The following CPVL variants were observed in gnomAD, a reference collection of about 807,000 sequenced individuals.
CPVL encodes carboxypeptidase vitellogenic like, also known as probable serine carboxypeptidase CPVL.
In CPVL, 51 loss-of-function variants were observed where a neutral mutation model predicts 63.7. That is an observed-to-expected ratio of 0.80 (90% CI 0.64 to 1.01). The LOEUF is 1.01. Ranked by LOEUF, CPVL falls within the 50% of genes least tolerant of loss-of-function variation. The pLI is 0.00. For synonymous variants in CPVL, 195 were observed against 206.0 expected (o/e 0.95, Z 0.46); for missense variants, 530 against 573.1 (o/e 0.92, Z 0.77).
At chr7:29,016,981 A>G (rs1384795984) in intron 12 of CPVL, among the ~76,000 whole-genome samples, 1 of 152,176 alleles carries the variant, frequency 6.6e-6, no homozygotes, top group Non-Finnish European at 1.5e-5. Context: ...TCCTAAAGTT[A>G]CCATTATAAA....
At chr7:29,002,134 G>A (rs1784703640) in intron 12 of CPVL, among the ~76,000 whole-genome samples, 1 of 152,126 alleles carries the variant, frequency 6.6e-6, no homozygotes, top group African/African-American at 2.4e-5. Context: ...GCAGATAAGA[G>A]AATGAAAAGC....
chr7:29,072,035 A>G, intron 8 of CPVL, 131 bp from the exon 9 acceptor site: 1 of 1,076,040 alleles, frequency 9.3e-7, no homozygotes. Flanking sequence ...GGATAATTAC[A>G]TGCACACACA....
chr7:29,066,975 G>GT (rs1275370223), intron 9 of CPVL, among the ~76,000 whole-genome samples: 1 of 152,222 alleles, frequency 6.6e-6, no homozygotes, highest in Non-Finnish European at 1.5e-5. Context: ...TTGAAGACAG[G>GT]TAATTAGAGA....
chr7:29,186,039 A>C lies in CPVL; in HGVS notation c.-347+408T>G, dbSNP rs184178884. Among the ~76,000 whole-genome samples, 6 of 152,318 alleles carry C rather than the reference A, an allele frequency of 3.9e-5. No individual in the cohort carries two copies. In the East Asian group the frequency reaches 1.2e-3, roughly 29 times the overall value. ...TTGTTTGAGTAAGTTTAAGAAGTAAAAGTTCTAACTATGGAACTCTGAGCA... is the reference window on the plus strand; with the variant it reads ...TTGTTTGAGTAAGTTTAAGAAGTAACAGTTCTAACTATGGAACTCTGAGCA... On this transcript the variant is annotated intron_variant, in intron 2 of 16. Transcript: ENST00000409850.
intron 4 of CPVL, among the ~76,000 whole-genome samples, chr7:29,182,846 A>G (rs563244585): frequency 6.6e-6 from 1 of 152,268 alleles, no homozygotes; most frequent in Admixed American, 6.5e-5. Context: ...TATTGTGTTA[A>G]TCCCGTTTTT....
In CPVL at chr7:29,133,070, T is replaced by C. The variant is rs771939078; in HGVS notation, c.-10-11999A>G. Among the ~76,000 whole-genome samples the C allele has an allele frequency of 6.7e-4, 102 of 152,152 alleles. 1 individual carries two copies. Among genetic ancestry groups the C allele is most frequent in the South Asian group, 2.1e-4 (1 of 4,824 alleles). ...CTGCATGCATTCCCTCATTAGGTATTTGAAAATCCACTACGTATAGTATCC... is the reference window on the plus strand; with the variant it reads ...CTGCATGCATTCCCTCATTAGGTATCTGAAAATCCACTACGTATAGTATCC... On this transcript the variant is annotated intron_variant, in intron 1 of 12. Coordinates refer to ENST00000265394, the MANE Select transcript of CPVL (RefSeq NM_031311.5).
intron 11 of CPVL, among the ~76,000 whole-genome samples, chr7:29,039,298 G>A (rs1788840823): frequency 2.6e-5 from 4 of 152,200 alleles, no homozygotes; most frequent in African/African-American, 7.2e-5. Context: ...AGAATCAGAT[G>A]AGAATTAACC....
At chr7:29,047,302 C>T (rs1028433261) in intron 11 of CPVL, among the ~76,000 whole-genome samples, 2 of 151,884 alleles carry the variant, frequency 1.3e-5, no homozygotes, top group Non-Finnish European at 2.9e-5. Context: ...GTATTAAGCA[C>T]GATACAAGAA....
At chr7:29,065,056 T>TA (rs5883185) in intron 10 of CPVL, among the ~76,000 whole-genome samples, 3 of 150,992 alleles carry the variant, frequency 2.0e-5, no homozygotes, top group South Asian at 2.1e-4. Flanking sequence ...TGAAGCTTAT[T>TA]AAAAAAAAAA....
At chr7:29,192,232 T>A (rs1245797131) in intron 1 of CPVL, 2 of 152,308 alleles carry the variant, frequency 1.3e-5, no homozygotes, top group Non-Finnish European at 2.9e-5. Context: ...GAGTCTCAGC[T>A]TTTTTCTACT....
chr7:29,025,901 T>C (rs1787444524), intron 12 of CPVL, among the ~76,000 whole-genome samples: 1 of 152,118 alleles, frequency 6.6e-6, no homozygotes, highest in African/African-American at 2.4e-5. Context: ...AGTCTCAGAA[T>C]TGGCCATCAT....
chr7:29,020,512 A>T (rs933902311), intron 12 of CPVL, among the ~76,000 whole-genome samples: 7 of 152,220 alleles, frequency 4.6e-5, no homozygotes, highest in African/African-American at 1.4e-4. Context: ...AAATAGCAAA[A>T]TTTACTATGA....
chr7:29,003,173 CACACACACACACACAGAG>C lies in CPVL; in HGVS notation c.1321-7309_1321-7292del, dbSNP rs1255246072. Among the ~76,000 whole-genome samples, 9 of 84,680 alleles carry C rather than the reference CACACACACACACACAGAG, an allele frequency of 1.1e-4. No homozygotes were observed. In the East Asian group the frequency reaches 1.9e-3, roughly 18 times the overall value. 55.6% of individuals were successfully genotyped at this position (84,680 alleles called of 152,430 possible). On this transcript the variant is annotated intron_variant, in intron 12 of 12. Coordinates refer to ENST00000265394, the MANE Select transcript of CPVL (RefSeq NM_031311.5). ...GTATGTGCACACACACACACACACACACACACACACACACAGAGAGAATAGCATTTTGCTAAAAGCAAA... is the reference window on the plus strand; with the variant it reads ...GTATGTGCACACACACACACACACACAGAATAGCATTTTGCTAAAAGCAAA...
chr7:29,094,609 G>T (rs980579378), intron 5 of CPVL, among the ~76,000 whole-genome samples: 3 of 152,138 alleles, frequency 2.0e-5, no homozygotes, highest in Non-Finnish European at 4.4e-5. Flanking sequence ...CATTTTGGGA[G>T]GCCAAGGCAG....
In CPVL at chr7:29,161,908, A is replaced by T. The variant is rs549720885; in HGVS notation, c.-11+19382T>A. On this transcript the variant is annotated intron_variant, in intron 5 of 16. Coordinates refer to the CPVL transcript ENST00000409850. ...TAAAGAAGATAGACAGTTGGCAAAT[A>T]AGCACATGAAAGATACTCAGCATCA... 4.7e-4 allele frequency among the ~76,000 whole-genome samples: 71 copies of T among 152,350 alleles called. 1 individual carries two copies. The highest frequency in any genetic ancestry group is 1.6e-3 in the African/African-American group (66 of 41,586).
At chr7:29,111,656 C>T (rs1000044601) in intron 3 of CPVL, among the ~76,000 whole-genome samples, 1 of 152,186 alleles carries the variant, frequency 6.6e-6, no homozygotes, top group Non-Finnish European at 1.5e-5. Context: ...CCACATCCCA[C>T]CACAGGCTGC....
chr7:28,995,975 C>G (rs978892209), intron 12 of CPVL, 93 bp from the exon 13 acceptor site: 1 of 724,714 alleles, frequency 1.4e-6, no homozygotes, highest in Non-Finnish European at 2.2e-6. Flanking sequence ...CTATTTAAAA[C>G]TCACATGAAA....
At chr7:29,065,007 T>G (rs1783010995) in intron 10 of CPVL, among the ~76,000 whole-genome samples, 1 of 151,880 alleles carries the variant, frequency 6.6e-6, no homozygotes, top group African/African-American at 2.4e-5. Context: ...AAAGAGATGA[T>G]ACTTTATGAA....
chr7:29,113,474 G>A (rs1026064934), intron 2 of CPVL, among the ~76,000 whole-genome samples: 1 of 152,138 alleles, frequency 6.6e-6, no homozygotes, highest in Admixed American at 6.5e-5. Context: ...AGGGGTCCTG[G>A]CGTTCTTATG....
Sources: gnomAD v4.1 joint callset for allele counts (sites outside exome capture counted in the v4.1 genomes callset) on GRCh38, gnomAD v4.1.1 for gene constraint, MANE v1.5 for transcripts, NCBI Gene and HGNC (gene_info 2026-07-23, HGNC 2026-07-21) for gene names.